The following USP25 variants were observed in gnomAD, a reference collection of about 807,000 sequenced individuals.
The protein encoded by USP25 is ubiquitin carboxyl-terminal hydrolase 25.
A neutral mutation model predicts 158.5 loss-of-function variants in USP25; 85 were observed. The observed-to-expected ratio is 0.54, with a 90% confidence interval of 0.45 to 0.64. The LOEUF (loss-of-function observed/expected upper bound fraction) is 0.64. Ranked by LOEUF, USP25 falls within the 30% of genes least tolerant of loss-of-function variation. The probability of loss-of-function intolerance (pLI) is 0.00; values close to 1 mark genes in which losing one functional copy is unlikely to be tolerated. For missense variants in USP25, 1,242 were observed against 1,327.3 expected (o/e 0.94, Z 1.00); for synonymous variants, 464 against 460.4 (o/e 1.01, Z -0.10).
chr21:15,793,855 T>A (rs2035723152), intron 5 of USP25, among the ~76,000 whole-genome samples: 1 of 151,742 alleles, frequency 6.6e-6, no homozygotes, highest in African/African-American at 2.4e-5. Flanking sequence ...CTTTTATCTT[T>A]GGTAGAGTCT....
At chr21:15,769,966 G>GT (rs796165950) in intron 3 of USP25, among the ~76,000 whole-genome samples, 57 of 147,962 alleles carry the variant, frequency 3.9e-4, no homozygotes, top group Non-Finnish European at 4.7e-4. Flanking sequence ...TTTATAAGCC[G>GT]TTTTTTTTTT....
intron 1 of USP25, among the ~76,000 whole-genome samples, chr21:15,733,560 G>A (rs959852125): frequency 6.6e-6 from 1 of 152,066 alleles, no homozygotes; most frequent in African/African-American, 2.4e-5. Context: ...AATGACACCT[G>A]CCAGGAGTGG....
At chr21:15,731,618 A>G (rs759170495) in intron 1 of USP25, among the ~76,000 whole-genome samples, 1 of 152,244 alleles carries the variant, frequency 6.6e-6, no homozygotes, top group African/African-American at 2.4e-5. Flanking sequence ...TTGGAAAGCA[A>G]GGATAGTGCA....
chr21:15,770,972 C>A (rs2034316988), intron 3 of USP25, among the ~76,000 whole-genome samples: 1 of 152,022 alleles, frequency 6.6e-6, no homozygotes, highest in Admixed American at 6.6e-5. Flanking sequence ...TGCTGTCTGC[C>A]CTTTCACTTG....
intron 23 of USP25, among the ~76,000 whole-genome samples, chr21:15,873,374 A>G (rs1226945719): frequency 6.6e-6 from 1 of 151,160 alleles, no homozygotes; most frequent in African/African-American, 2.4e-5. Context: ...TGTCACCACC[A>G]CCTCCCAAAG....
intron 1 of USP25, chr21:15,743,901 T>C (rs1601251645): frequency 1.3e-5 from 2 of 155,288 alleles, no homozygotes; most frequent in Non-Finnish European, 2.9e-5. Context: ...CAGTGGACAC[T>C]CTCTTTACCA....
intron 5 of USP25, among the ~76,000 whole-genome samples, chr21:15,798,568 A>C (rs1213488995): frequency 6.6e-6 from 1 of 151,374 alleles, no homozygotes; most frequent in East Asian, 1.9e-4. Flanking sequence ...CAGTCACAAG[A>C]CTGTAATCCC....
intron 15 of USP25, 94 bp downstream of exon 15, chr21:15,830,695 T>A (rs2037756431): frequency 9.4e-7 from 1 of 1,061,852 alleles, no homozygotes. Context: ...TTTCTTTACA[T>A]GTTTTGTTTT....
At chr21:15,810,403 T>C (rs528896184) in intron 8 of USP25, among the ~76,000 whole-genome samples, 2 of 152,148 alleles carry the variant, frequency 1.3e-5, no homozygotes. Flanking sequence ...CTGTACACAA[T>C]TGTGGATACA....
chr21:15,762,397 A>G (rs1189442713), intron 1 of USP25, among the ~76,000 whole-genome samples: 1 of 152,200 alleles, frequency 6.6e-6, no homozygotes, highest in East Asian at 1.9e-4. Flanking sequence ...AATGGGGGCA[A>G]ATGATCTATT....
intron 4 of USP25, among the ~76,000 whole-genome samples, chr21:15,783,885 G>C (rs2035119023): frequency 6.6e-6 from 1 of 152,036 alleles, no homozygotes; most frequent in African/African-American, 2.4e-5. Flanking sequence ...CAGGAGAATG[G>C]CGTGAACCCA....
intron 9 of USP25, among the ~76,000 whole-genome samples, chr21:15,812,297 C>T (rs544162917): frequency 6.6e-6 from 1 of 152,186 alleles, no homozygotes; most frequent in South Asian, 2.1e-4. Flanking sequence ...TTATAATACC[C>T]TGCATGAGCA....
intron 5 of USP25, among the ~76,000 whole-genome samples, chr21:15,794,952 C>T (rs2035786294): frequency 6.6e-6 from 1 of 151,498 alleles, no homozygotes; most frequent in South Asian, 2.1e-4. Context: ...TGCATATTGT[C>T]AGAACATTTC....
At chr21:15,830,724 A>T (rs924667726) in intron 15 of USP25, 123 bp downstream of exon 15, 1 of 726,536 alleles carries the variant, frequency 1.4e-6, no homozygotes, top group African/African-American at 1.8e-5. Flanking sequence ...GGCAAATCTT[A>T]TTGTAAAATA....
chr21:15,765,599 A>G (rs1183014015), intron 2 of USP25, among the ~76,000 whole-genome samples: 2 of 152,174 alleles, frequency 1.3e-5, no homozygotes, highest in East Asian at 3.9e-4. Flanking sequence ...ATTAAAAGGA[A>G]TATCTTTTAT....
intron 4 of USP25, among the ~76,000 whole-genome samples, chr21:15,783,049 T>C (rs1395891475): frequency 6.6e-6 from 1 of 151,836 alleles, no homozygotes; most frequent in Non-Finnish European, 1.5e-5. Context: ...AAGATAGATA[T>C]TATGGAAAGG....
chr21:15,759,037 G>T (rs1038952374), intron 1 of USP25, among the ~76,000 whole-genome samples: 4 of 152,042 alleles, frequency 2.6e-5, no homozygotes, highest in Admixed American at 2.6e-4. Context: ...ATTTTTCTCT[G>T]AGCCATGATT....
Position 15,876,303 on chromosome 21 carries a change from G to A in USP25, c.3010-1493G>A, listed in dbSNP as rs551055299. On this transcript the variant is annotated intron_variant, in intron 24 of 25. Transcript: ENST00000400183. ...CTCATTTTATTCTCTTAACCCCTAT[G>A]GTTGGAAGATAAAATACCCTATTAT... 2.6e-5 allele frequency: 4 copies of A among 152,152 alleles called. No individual in the cohort carries two copies. The East Asian group carries it at 7.7e-4, about 29-fold the overall frequency. 9.4% of individuals were successfully genotyped at this position (152,152 alleles called of 1,614,324 possible).
intron 1 of USP25, among the ~76,000 whole-genome samples, chr21:15,740,256 G>C (rs2031909008): frequency 6.6e-6 from 1 of 152,192 alleles, no homozygotes; most frequent in Admixed American, 6.5e-5. Flanking sequence ...TAATGTTTGA[G>C]GATCACTGGT....
Sources: allele counts gnomAD v4.1 joint callset (sites outside exome capture counted in the v4.1 genomes callset), GRCh38; gene constraint gnomAD v4.1.1; transcripts MANE v1.5; gene names NCBI Gene and HGNC (gene_info 2026-07-23, HGNC 2026-07-21).